The following ZNF738 variants were observed in gnomAD, a reference collection of about 807,000 sequenced individuals.
ZNF738 encodes zinc finger protein 738, also known as protein ZNF738.
A neutral mutation model predicts 9.2 loss-of-function variants in ZNF738; 10 were observed. The ratio of observed to expected loss-of-function variants is 1.09; its 90% CI spans 0.67 to 1.85. ZNF738 has a LOEUF of 1.85. Ranked by LOEUF, ZNF738 falls within the 40% of genes most tolerant of loss-of-function variation. ZNF738 has a pLI of 0.00. For missense variants in ZNF738, 346 were observed against 283.6 expected, an observed-to-expected ratio of 1.22 and a Z score of -1.58; for synonymous variants, 113 against 94.5, an observed-to-expected ratio of 1.20 and a Z score of -1.14.
chr19:21,375,411 C>T (rs1281592319), intron 3 of ZNF738, 47 bp downstream of exon 3: 2 of 588,140 alleles, frequency 3.4e-6, no homozygotes, highest in Non-Finnish European at 6.1e-6. Context: ...CTAAAGGTTT[C>T]ATTTCTCCAT....
At chr19:21,377,989 A>AT in intron 4 of ZNF738, 2 of 396,420 alleles carry the variant, frequency 5.0e-6, no homozygotes, top group South Asian at 2.6e-4. Flanking sequence ...CTTCTTTCTT[A>AT]TGTTGTTTTC....
At chr19:21,360,171 C>T (rs1429104982) in intron 1 of ZNF738, among the ~76,000 whole-genome samples, 1 of 152,010 alleles carries the variant, frequency 6.6e-6, no homozygotes, top group Non-Finnish European at 1.5e-5. Flanking sequence ...AAAAATAATG[C>T]GCCTGAGTTA....
chr19:21,377,458 T>C, intron 4 of ZNF738: 1 of 708,150 alleles, frequency 1.4e-6, no homozygotes, highest in Admixed American at 2.0e-5. Flanking sequence ...TCTGTCAATA[T>C]TTGCTTTATA....
chr19:21,374,860 A>G (rs1973904694), intron 2 of ZNF738, among the ~76,000 whole-genome samples: 1 of 152,164 alleles, frequency 6.6e-6, no homozygotes, highest in East Asian at 1.9e-4. Flanking sequence ...TCTCCAGTGT[A>G]TTGTACACAT....
chr19:21,363,879 T>C (rs1973735819), intron 2 of ZNF738, among the ~76,000 whole-genome samples: 2 of 82,288 alleles, frequency 2.4e-5, no homozygotes. Context: ...ACAGTGAGAC[T>C]CCATTTAAAA....
intron 2 of ZNF738, among the ~76,000 whole-genome samples, chr19:21,365,431 T>G (rs1973763006): frequency 6.6e-6 from 1 of 152,028 alleles, no homozygotes; most frequent in Non-Finnish European, 1.5e-5. Flanking sequence ...ATTTCCTCCC[T>G]CTTTTGTACA....
At chr19:21,363,783 G>A (rs1973733630) in intron 2 of ZNF738, among the ~76,000 whole-genome samples, 1 of 151,410 alleles carries the variant, frequency 6.6e-6, no homozygotes, top group Non-Finnish European at 1.5e-5. Flanking sequence ...AGCTATTCTG[G>A]AGGCTGAGAC....
At chr19:21,381,669 A>G in intron 4 of ZNF738, 1 of 421,902 alleles carries the variant, frequency 2.4e-6, no homozygotes, top group Non-Finnish European at 4.4e-6. Flanking sequence ...GATTTTTTGT[A>G]TTTTTAGTAG....
intron 1 of ZNF738, among the ~76,000 whole-genome samples, chr19:21,361,301 C>T (rs377096046): frequency 3.3e-5 from 5 of 151,542 alleles, no homozygotes; most frequent in South Asian, 2.1e-4. Flanking sequence ...CCACCACGCC[C>T]GGCTAATTTT....
chr19:21,368,219 A>G (rs1568367584), intron 2 of ZNF738, among the ~76,000 whole-genome samples: 1 of 151,026 alleles, frequency 6.6e-6, no homozygotes. Flanking sequence ...CCAAAGAGGT[A>G]TTTTTTTCTG....
chr19:21,373,177 G>C (rs1909772), intron 2 of ZNF738, among the ~76,000 whole-genome samples: 5,595 of 152,246 alleles, frequency 0.037, 343 homozygotes, highest in African/African-American at 0.12. Flanking sequence ...CTCATTAAAG[G>C]TTGAGAGGCA....
At chr19:21,375,848 T>A (rs759083075) in intron 3 of ZNF738, 21 bp from the exon 4 acceptor site, 2 of 776,180 alleles carry the variant, frequency 2.6e-6, no homozygotes, top group South Asian at 2.7e-5. Context: ...AGATTCATGT[T>A]ATTTATTTTT....
chr19:21,370,901 A>G (rs1973847183), intron 2 of ZNF738, among the ~76,000 whole-genome samples: 1 of 152,208 alleles, frequency 6.6e-6, no homozygotes, highest in South Asian at 2.1e-4. Flanking sequence ...CTGAAAACCA[A>G]CAAAAGGCAT....
Position 21,364,977 on chromosome 19 carries a change from C to T in ZNF738, c.96+3119C>T, listed in dbSNP as rs988213467. ...GTTTCACCGTGATGGCCAGGATGGT[C>T]TCCATCTCTTGACCTCATGATCCAC... On this transcript the variant is annotated intron_variant, in intron 2 of 4. Transcript: ENST00000683779. Among the ~76,000 whole-genome samples the T allele has an allele frequency of 2.1e-5, 3 of 142,048 alleles. No individual in the cohort carries two copies. The Admixed American group carries it at 2.2e-4, about 11-fold the overall frequency. The allele number at this position is 142,048 out of a possible 152,430, so 93.2% of individuals were successfully genotyped here. A position where few individuals can be genotyped will look rare whatever the true frequency, so the allele number is the denominator to read the frequency against.
chr19:21,378,758 C>T lies in ZNF738; in HGVS notation c.319+2794C>T, dbSNP rs1973969824. 1.8e-5 allele frequency: 5 copies of T among 283,744 alleles called. No individual in the cohort carries two copies. The Admixed American group carries it at 2.5e-4, about 14-fold the overall frequency. The allele number at this position is 283,744 out of a possible 1,614,324, so 17.6% of individuals were successfully genotyped here. A position where few individuals can be genotyped will look rare whatever the true frequency, so the allele number is the denominator to read the frequency against. On this transcript the variant is annotated intron_variant, in intron 4 of 4. Coordinates refer to ENST00000683779, the MANE Select transcript of ZNF738 (RefSeq NM_001355237.2). The stretch of plus-strand genomic sequence containing the variant: ...GGGATTACGGGCATATGCCACCACA[C>T]CCAGCTAAGTTTGTATTTTTAGTAG...
At chr19:21,370,968 G>A (rs980177036) in intron 2 of ZNF738, among the ~76,000 whole-genome samples, 1 of 152,148 alleles carries the variant, frequency 6.6e-6, no homozygotes, top group African/African-American at 2.4e-5. Context: ...TGAGAATGTG[G>A]CTCTTTAAGC....
At chr19:21,368,591 G>A (rs778174406) in intron 2 of ZNF738, among the ~76,000 whole-genome samples, 2 of 152,034 alleles carry the variant, frequency 1.3e-5, no homozygotes, top group Non-Finnish European at 1.5e-5. Flanking sequence ...CCGAGTAGCT[G>A]GGACTACAGG....
chr19:21,359,022 C>G lies in ZNF738; in HGVS notation c.-119C>G, dbSNP rs956333088. 1 of 778,656 alleles carries G rather than the reference C, an allele frequency of 1.3e-6. No homozygotes were observed. The highest frequency in any genetic ancestry group is 1.7e-5 in the African/African-American group (1 of 58,772). 48.2% of individuals were successfully genotyped at this position (778,656 alleles called of 1,614,324 possible). A position where few individuals can be genotyped will look rare whatever the true frequency, so the allele number is the denominator to read the frequency against. ...TTTGTCTTTGGCTGCCGCTGGAACT[C>G]CGGGTCTCGTCTTCACTGCTCTGTG... On this transcript the variant is annotated 5_prime_UTR_variant, in exon 1 of 5. Transcript: ENST00000683779.
intron 1 of ZNF738, among the ~76,000 whole-genome samples, chr19:21,359,737 C>T (rs888161682): frequency 6.6e-6 from 1 of 151,838 alleles, no homozygotes; most frequent in African/African-American, 2.4e-5. Flanking sequence ...ATGAGCCGGG[C>T]GTGGTGGCGG....
Sources: gnomAD v4.1 joint callset for allele counts (sites outside exome capture counted in the v4.1 genomes callset) on GRCh38, gnomAD v4.1.1 for gene constraint, MANE v1.5 for transcripts, NCBI Gene and HGNC (gene_info 2026-07-23, HGNC 2026-07-21) for gene names.